The following NCAM1 variants were observed in gnomAD, a reference collection of about 807,000 sequenced individuals.
The protein encoded by NCAM1 is neural cell adhesion molecule 1.
In NCAM1, 14 loss-of-function variants were observed where a neutral mutation model predicts 109.8. The ratio of observed to expected loss-of-function variants is 0.13; its 90% CI spans 0.08 to 0.20. The LOEUF is 0.20. NCAM1 is among the 10% of genes least tolerant of loss of function. The pLI is 1.00. For synonymous variants in NCAM1, 418 were observed against 442.9 expected (o/e 0.94, Z 0.70); for missense variants, 774 against 1,109.9 (o/e 0.70, Z 4.30).
intron 11 of NCAM1, 36 bp downstream of exon 11, chr11:113,232,390 GCA>G (rs1405391885): frequency 5.8e-6 from 9 of 1,563,580 alleles, no homozygotes; most frequent in Non-Finnish European, 6.9e-6. Context: ...AGCAGAGAAA[GCA>G]CAGTTTGACT....
chr11:113,206,072 C>G lies in NCAM1; in HGVS notation c.520C>G (p.Leu174Val), dbSNP rs1944229341. 6.2e-7 allele frequency: 1 copy of G among 1,613,880 alleles called. No homozygotes were observed. The change falls in exon 5 of 20, where the codon CTG (leucine) becomes GTG (valine). Residue 174 changes from leucine to valine, a missense_variant. Coordinates refer to ENST00000316851, the MANE Select transcript of NCAM1 (RefSeq NM_181351.5). ...ATTCATAGTCCTGTCCAACAACTAC[C>G]TGCAGATCCGGGGCATCAAGAAAAC... ...VRFIVLSNNY[L>V]QIRGIKKTDE...
chr11:113,168,970 G>A (rs1174875890), intron 1 of NCAM1, among the ~76,000 whole-genome samples: 1 of 151,964 alleles, frequency 6.6e-6, no homozygotes, highest in East Asian at 1.9e-4. Context: ...TGAACGTGGA[G>A]GCAGGATGTA....
At chr11:113,208,735 T>G (rs1297218983) in intron 7 of NCAM1, among the ~76,000 whole-genome samples, 1 of 152,192 alleles carries the variant, frequency 6.6e-6, no homozygotes, top group Non-Finnish European at 1.5e-5. Flanking sequence ...AGATGTCATT[T>G]GCATATTTGT....
intron 1 of NCAM1, among the ~76,000 whole-genome samples, chr11:113,048,523 T>C (rs1555081209): frequency 6.6e-6 from 1 of 152,212 alleles, no homozygotes; most frequent in Admixed American, 6.5e-5. Flanking sequence ...ATTTTGTTGG[T>C]AGCTTTACTA....
chr11:113,136,544 A>G (rs1941605496), intron 1 of NCAM1, among the ~76,000 whole-genome samples: 1 of 152,188 alleles, frequency 6.6e-6, no homozygotes, highest in Non-Finnish European at 1.5e-5. Flanking sequence ...GAAGACGAGG[A>G]GGCATGCGTG....
At chr11:113,139,437 C>A (rs1365292330) in intron 1 of NCAM1, among the ~76,000 whole-genome samples, 1 of 151,442 alleles carries the variant, frequency 6.6e-6, no homozygotes, top group Non-Finnish European at 1.5e-5. Context: ...TTAACAAAAT[C>A]TAATTTCTCA....
intron 14 of NCAM1, among the ~76,000 whole-genome samples, chr11:113,239,238 T>C (rs945273615): frequency 6.6e-6 from 1 of 152,188 alleles, no homozygotes; most frequent in Non-Finnish European, 1.5e-5. Context: ...CCTGTGAGAA[T>C]GTGCCTATTT....
intron 1 of NCAM1, among the ~76,000 whole-genome samples, chr11:113,080,938 A>T (rs17114760): frequency 0.053 from 8,026 of 152,306 alleles, 591 homozygotes; most frequent in Admixed American, 0.17. Flanking sequence ...ATTTGAGGGA[A>T]GATAAGCACC....
In NCAM1 at chr11:113,207,304, C is replaced by A. The variant is rs782323015; in HGVS notation, c.672C>A (p.Thr224=). 5 of 1,613,900 alleles carry A rather than the reference C, an allele frequency of 3.1e-6. No homozygotes were observed. In the African/African-American group the frequency reaches 5.3e-5, roughly 17 times the overall value. ...IQARQNIVNA[T]ANLGQSVTLV... Reference sequence around the variant, plus strand: ...CCAGGCAGAATATTGTGAATGCCACCGCCAACCTCGGCCAGTCCGTCACCC... The same window carrying A: ...CCAGGCAGAATATTGTGAATGCCACAGCCAACCTCGGCCAGTCCGTCACCC... The change falls in exon 6 of 20, where the codon ACC becomes ACA. Residue 224 remains threonine (T), a synonymous_variant. Coordinates refer to ENST00000316851, the MANE Select transcript of NCAM1 (RefSeq NM_181351.5).
At chr11:112,993,812 T>C (rs1237577915) in intron 1 of NCAM1, among the ~76,000 whole-genome samples, 1 of 152,254 alleles carries the variant, frequency 6.6e-6, no homozygotes, top group African/African-American at 2.4e-5. Context: ...TGAAGAATTA[T>C]TACAGTTTCT....
intron 14 of NCAM1, chr11:113,240,736 CTG>C: frequency 6.4e-7 from 1 of 1,566,654 alleles, no homozygotes; most frequent in Non-Finnish European, 8.8e-7. Flanking sequence ...CATTCAGTAT[CTG>C]TGTGCCTCAA....
intron 1 of NCAM1, among the ~76,000 whole-genome samples, chr11:113,065,160 A>G (rs11214473): frequency 1.3e-3 from 195 of 152,316 alleles, no homozygotes; most frequent in Non-Finnish European, 2.4e-3. Context: ...ACAATCCCCA[A>G]TGTCCAAAGC....
intron 9 of NCAM1, among the ~76,000 whole-genome samples, chr11:113,225,486 G>A (rs1944816466): frequency 6.6e-6 from 1 of 152,212 alleles, no homozygotes; most frequent in South Asian, 2.1e-4. Flanking sequence ...GGGGAGAATG[G>A]AACCAAGTTG....
At chr11:113,102,976 T>A (rs1387971768) in intron 1 of NCAM1, among the ~76,000 whole-genome samples, 2 of 132,166 alleles carry the variant, frequency 1.5e-5, no homozygotes, top group Middle Eastern at 7.3e-3. Flanking sequence ...GATTATGAAA[T>A]TTGGTTACAG....
At chr11:112,995,343 C>A (rs1301871347) in intron 1 of NCAM1, among the ~76,000 whole-genome samples, 2 of 152,064 alleles carry the variant, frequency 1.3e-5, no homozygotes, top group East Asian at 3.9e-4. Flanking sequence ...AGAAGTAGTT[C>A]TTCTAAATAC....
chr11:113,226,442 A>T (rs994182591), intron 9 of NCAM1, among the ~76,000 whole-genome samples: 9 of 152,232 alleles, frequency 5.9e-5, no homozygotes, highest in Non-Finnish European at 1.2e-4. Flanking sequence ...AAGTCCTTAG[A>T]GGCCTACGAA....
chr11:113,215,912 C>A lies in NCAM1; in HGVS notation c.1059+1401C>A, dbSNP rs114839423. 3.9e-3 allele frequency among the ~76,000 whole-genome samples: 593 copies of A among 152,294 alleles called. 5 individuals carry two copies. Among genetic ancestry groups the A allele is most frequent in the African/African-American group, 0.014 (567 of 41,558 alleles). On this transcript the variant is annotated intron_variant, in intron 8 of 19. Coordinates refer to ENST00000316851, the MANE Select transcript of NCAM1 (RefSeq NM_181351.5). The stretch of plus-strand genomic sequence containing the variant: ...CTTAAACCACAAGGCTGCTGCTTGG[C>A]AGATCTTTCTACATCAGCTTAAAAG...
intron 14 of NCAM1, among the ~76,000 whole-genome samples, chr11:113,235,933 T>G (rs1945155388): frequency 6.6e-6 from 1 of 152,288 alleles, no homozygotes; most frequent in South Asian, 2.1e-4. Flanking sequence ...CCTGGGAAGC[T>G]CCTGAGTCCA....
chr11:113,022,459 G>A (rs1952417553), intron 1 of NCAM1, among the ~76,000 whole-genome samples: 1 of 152,154 alleles, frequency 6.6e-6, no homozygotes, highest in African/African-American at 2.4e-5. Flanking sequence ...CCTTAGACTT[G>A]TGGGATGAAG....
Sources: gnomAD v4.1 joint callset for allele counts (sites outside exome capture counted in the v4.1 genomes callset) on GRCh38, gnomAD v4.1.1 for gene constraint, MANE v1.5 for transcripts, NCBI Gene and HGNC (gene_info 2026-07-23, HGNC 2026-07-21) for gene names.